The following TIAL1 variants were observed in gnomAD, a reference collection of about 807,000 sequenced individuals.
The protein encoded by TIAL1 is nucleolysin TIAR.
TIAL1 carries 7 observed loss-of-function variants against 59.7 expected under a neutral mutation model. The ratio of observed to expected loss-of-function variants is 0.12; its 90% CI spans 0.07 to 0.22. The LOEUF is 0.22. Ranked by LOEUF, TIAL1 falls within the 10% of genes least tolerant of loss-of-function variation. TIAL1 has a pLI of 1.00. For missense variants in TIAL1, 225 were observed against 462.5 expected (o/e 0.49, Z 4.71); for synonymous variants, 149 against 146.3 (o/e 1.02, Z -0.13).
Position 119,582,086 on chromosome 10 carries a change from G to GA in TIAL1, c.284-78dup, listed in dbSNP as rs537466682. On this transcript the variant is annotated intron_variant, in intron 4 of 11. Coordinates refer to ENST00000436547, the MANE Select transcript of TIAL1 (RefSeq NM_003252.4). This position sits in a 1 kb window ranked among gnomAD's most constrained non-coding sequence, Gnocchi z 5.1. ...CCTTTTTAAGGCAACTCTAGAGGAG[G>GA]AAAAAAAAACCTATTTAAGCTGGTA... The GA allele has an allele frequency of 3.8e-4, 592 of 1,560,650 alleles. 1 individual carries two copies. The highest frequency in any genetic ancestry group is 6.0e-4 in the South Asian group (52 of 86,186).
chr10:119,582,481 T>C lies in TIAL1; in HGVS notation c.206A>G (p.Asn69Ser). 2 of 1,605,772 alleles carry C rather than the reference T, an allele frequency of 1.2e-6. No homozygotes were observed. Among genetic ancestry groups the C allele is most frequent in the South Asian group, 1.1e-5 (1 of 89,448 alleles). Residue 69 changes from asparagine (N) to serine (S), a missense_variant, in exon 3 of 12, where the codon AAT becomes AGT. Asn to Ser is a conservative substitution (Grantham distance 46). This residue lies in a region of TIAL1 where 38 missense variants were observed against 173.0 expected (regional missense o/e 0.22). Transcript: ENST00000436547. The surrounding 1 kb of genome is among the most constrained non-coding windows in gnomAD (Gnocchi z 5.1). ...TACCTTTCCCAAAATTTTTCTCCCA[T>C]TCATAGCAGCTAATGCAGCAGCTGC... is the stretch of plus-strand genomic sequence containing the variant. ...RDAAAALAAM[N>S]GRKILGKEVK...
intron 1 of TIAL1, among the ~76,000 whole-genome samples, chr10:119,594,255 G>C (rs1211566240): frequency 6.6e-6 from 1 of 152,184 alleles, no homozygotes; most frequent in East Asian, 1.9e-4. Context: ...CAAGAGATTA[G>C]AGAAGGTAGA....
intron 6 of TIAL1, 32 bp from the exon 7 acceptor site, chr10:119,578,866 GAA>G (rs1845162562): frequency 1.3e-6 from 2 of 1,531,264 alleles, no homozygotes; most frequent in Non-Finnish European, 1.8e-6. Flanking sequence ...CAATCACAAA[GAA>G]AAGAGTGATA....
At chr10:119,584,888 C>A (rs1329525631) in intron 2 of TIAL1, among the ~76,000 whole-genome samples, 1 of 151,750 alleles carries the variant, frequency 6.6e-6, no homozygotes, top group African/African-American at 2.4e-5. Context: ...GGGCGGTTCA[C>A]GAGGTCAGAA....
In TIAL1 at chr10:119,596,654, G is replaced by T; in HGVS notation, c.-189C>A. On this transcript the variant is annotated 5_prime_UTR_variant, in exon 1 of 12. Coordinates refer to ENST00000436547, the MANE Select transcript of TIAL1 (RefSeq NM_003252.4). Reference sequence around the variant, plus strand: ...GCGCTCCAACCAGGAGGAGCAGGAGGAGGAGGAGGATGAACAAAATGGCCG... The same window carrying T: ...GCGCTCCAACCAGGAGGAGCAGGAGTAGGAGGAGGATGAACAAAATGGCCG... The T allele has an allele frequency of 1.7e-6, 1 of 597,900 alleles. No individual in the cohort carries two copies. Among genetic ancestry groups the T allele is most frequent in the Non-Finnish European group, 3.0e-6 (1 of 337,340 alleles). 37.0% of individuals were successfully genotyped at this position (597,900 alleles called of 1,614,324 possible). A position where few individuals can be genotyped will look rare whatever the true frequency, so the allele number is the denominator to read the frequency against.
rs1425735631 is a variant in TIAL1, at chr10:119,594,871, C to T, written c.32+1563G>A. ...ATCTCTTGACCTCGTGATCCGCCCA[C>T]CTCGGCCTCCCAAAGTGCTGGGATT... On this transcript the variant is annotated intron_variant, in intron 1 of 11. Transcript: ENST00000436547. Among the ~76,000 whole-genome samples, 4 of 152,314 alleles carry T rather than the reference C, an allele frequency of 2.6e-5. No homozygotes were observed. In the East Asian group the frequency reaches 7.7e-4, roughly 29 times the overall value.
chr10:119,578,271 G>A (rs182634466), intron 7 of TIAL1, among the ~76,000 whole-genome samples: 3 of 138,170 alleles, frequency 2.2e-5, no homozygotes, highest in Admixed American at 7.3e-5. Context: ...AATGGGAGGA[G>A]AAAACATAAT....
At chr10:119,595,939 G>A (rs1846155139) in intron 1 of TIAL1, among the ~76,000 whole-genome samples, 2 of 152,026 alleles carry the variant, frequency 1.3e-5, no homozygotes, top group Non-Finnish European at 2.9e-5. Context: ...CTTCCTCCGA[G>A]AGCTTAGCTG....
chr10:119,594,788 C>A (rs908868906), intron 1 of TIAL1, among the ~76,000 whole-genome samples: 8 of 152,146 alleles, frequency 5.3e-5, no homozygotes, highest in Non-Finnish European at 1.0e-4. Context: ...CCACGCCCAG[C>A]TAATTTTTGT....
chr10:119,583,478 A>C (rs1357391858), intron 2 of TIAL1, among the ~76,000 whole-genome samples: 1 of 152,202 alleles, frequency 6.6e-6, no homozygotes, highest in Non-Finnish European at 1.5e-5. Flanking sequence ...ATTTCTATGA[A>C]ACTGCAACCT....
rs139491015 is a variant in TIAL1, at chr10:119,579,788, A to G, written c.447+147T>C. 1.7e-3 allele frequency: 969 copies of G among 561,186 alleles called. 7 individuals are homozygous for G. Among genetic ancestry groups the G allele is most frequent in the African/African-American group, 0.017 (852 of 51,332 alleles). 34.8% of individuals were successfully genotyped at this position (561,186 alleles called of 1,614,324 possible). On this transcript the variant is annotated intron_variant, in intron 6 of 11. Transcript: ENST00000436547. ...GTTTATGAAAGAGGAATGAAATTAT[A>G]CTCTATTATTAAAACATACATAACA...
chr10:119,580,175 T>A, intron 5 of TIAL1, 165 bp from the exon 6 acceptor site: 1 of 528,586 alleles, frequency 1.9e-6, no homozygotes, highest in Non-Finnish European at 3.2e-6. Context: ...TCTTTACCTG[T>A]TAGAAAAAAG....
chr10:119,587,556 G>A (rs1288868464), intron 2 of TIAL1, among the ~76,000 whole-genome samples: 1 of 151,710 alleles, frequency 6.6e-6, no homozygotes, highest in African/African-American at 2.4e-5. Context: ...AATTCTCTGG[G>A]CCAAGGAACT....
Position 119,577,394 on chromosome 10 carries a change from A to G in TIAL1, c.737+57T>C, listed in dbSNP as rs1217298444. 2.6e-6 allele frequency: 4 copies of G among 1,533,754 alleles called. No homozygotes were observed. The African/African-American group carries it at 5.5e-5, about 21-fold the overall frequency. On this transcript the variant is annotated intron_variant, in intron 9 of 11. Coordinates refer to ENST00000436547, the MANE Select transcript of TIAL1 (RefSeq NM_003252.4). ...AAACACTGATACCCTGGAGAACATA[A>G]GTGAAAGGAATGAATCAAATATAAG...
At chr10:119,578,467 T>TA (rs544608165) in intron 7 of TIAL1, among the ~76,000 whole-genome samples, 61 of 151,794 alleles carry the variant, frequency 4.0e-4, no homozygotes, top group Non-Finnish European at 7.4e-4. Context: ...CCTGTCTCTA[T>TA]AAAAAAATTA....
rs1445585250 is a variant in TIAL1 at position 119,596,639 on chromosome 10, CAGG to C, written c.-177_-175del. 24 of 600,800 alleles carry C rather than the reference CAGG, an allele frequency of 4.0e-5. No individual in the cohort carries two copies. The East Asian group carries it at 5.9e-4, about 15-fold the overall frequency. 37.2% of individuals were successfully genotyped at this position (600,800 alleles called of 1,614,324 possible). A position where few individuals can be genotyped will look rare whatever the true frequency, so the allele number is the denominator to read the frequency against. On this transcript the variant is annotated 5_prime_UTR_variant, in exon 1 of 12. Coordinates refer to ENST00000436547, the MANE Select transcript of TIAL1 (RefSeq NM_003252.4). ...CCCGCTCCGGACACTGCGCTCCAAC[CAGG>C]AGGAGCAGGAGGAGGAGGAGGATGA...
At chr10:119,577,865 A>C in intron 7 of TIAL1, 129 bp from the exon 8 acceptor site, 1 of 701,732 alleles carries the variant, frequency 1.4e-6, no homozygotes, top group Non-Finnish European at 2.4e-6. Flanking sequence ...TGAGGTGGGC[A>C]GATCACCTGA....
At position 119,580,061 on chromosome 10, in the gene TIAL1, T is replaced by C. The variant is rs377029499; in HGVS notation, c.372-51A>G. 3.4e-6 allele frequency: 5 copies of C among 1,461,378 alleles called. No homozygotes were observed. In the African/African-American group the frequency reaches 5.7e-5, roughly 17 times the overall value. 90.5% of individuals were successfully genotyped at this position (1,461,378 alleles called of 1,614,324 possible). On this transcript the variant is annotated intron_variant, in intron 5 of 11. Coordinates refer to ENST00000436547, the MANE Select transcript of TIAL1 (RefSeq NM_003252.4). ...AGGGAAGTAAGAGCCACCCTCAAAA[T>C]AAAAACTAAAAGGAACCACACACAC...
At chr10:119,580,438 A>G in intron 5 of TIAL1, 1 of 935,802 alleles carries the variant, frequency 1.1e-6, no homozygotes, top group East Asian at 9.9e-5. Flanking sequence ...AAAAATTGAA[A>G]AAGAGGAAAA....
Sources: allele counts gnomAD v4.1 joint callset (sites outside exome capture counted in the v4.1 genomes callset), GRCh38; gene constraint gnomAD v4.1.1; regional missense constraint gnomAD v4.1.1; non-coding constraint Gnocchi (gnomAD v3.1); transcripts MANE v1.5; gene names NCBI Gene and HGNC (gene_info 2026-07-23, HGNC 2026-07-21).